REDIC1: variants seen among roughly 807,000 people sequenced by gnomAD.
REDIC1 encodes regulator of DNA class I crossover intermediates 1, also known as HEI10 Interacting Protein 1.
chr12:39,826,854 A>ATTTTTTTTTTTTTTTTT, the REDIC1 span, among the ~76,000 whole-genome samples: 4 of 67,410 alleles, frequency 5.9e-5, no homozygotes, highest in Admixed American at 2.3e-4. Flanking sequence ...GTCTCTTTCA[A>ATTTTTTTTTTTTTTTTT]TTTTTTTTTT....
the REDIC1 span, among the ~76,000 whole-genome samples, chr12:39,905,377 G>T: frequency 6.6e-6 from 1 of 152,070 alleles, no homozygotes; most frequent in African/African-American, 2.4e-5. Flanking sequence ...TGTGGGCCTG[G>T]CAACCTTCCT....
chr12:39,802,527 C>T, the REDIC1 span: 4 of 152,030 alleles, frequency 2.6e-5, no homozygotes, highest in African/African-American at 9.7e-5. Flanking sequence ...GCATAGTGTA[C>T]TTGATTAAAA....
the REDIC1 span, among the ~76,000 whole-genome samples, chr12:39,712,182 A>ATGTATATGTACATGTATATATACCTGTG: frequency 7.2e-6 from 1 of 138,626 alleles, no homozygotes; most frequent in Non-Finnish European, 1.5e-5. Flanking sequence ...ATATACCTGT[A>ATGTATATGTACATGTATATATACCTGTG]TGTATATGTA....
the REDIC1 span, among the ~76,000 whole-genome samples, chr12:39,901,926 A>C: frequency 6.6e-6 from 1 of 152,068 alleles, no homozygotes; most frequent in African/African-American, 2.4e-5. Flanking sequence ...CCAATAGCAA[A>C]GACTTGGAAC....
the REDIC1 span, among the ~76,000 whole-genome samples, chr12:39,817,077 T>C: frequency 6.6e-6 from 1 of 152,210 alleles, no homozygotes; most frequent in African/African-American, 2.4e-5. Flanking sequence ...TGTATCCTTC[T>C]CTTTTCATAA....
chr12:39,715,584 T>A, the REDIC1 span, among the ~76,000 whole-genome samples: 2 of 151,820 alleles, frequency 1.3e-5, no homozygotes, highest in Non-Finnish European at 2.9e-5. Flanking sequence ...AATTCTAAAA[T>A]CTGTATGGAA....
the REDIC1 span, among the ~76,000 whole-genome samples, chr12:39,636,489 C>A: frequency 1.3e-5 from 2 of 152,002 alleles, no homozygotes; most frequent in Non-Finnish European, 2.9e-5. Context: ...AGGCTAGTTA[C>A]TGTCTTGAAT....
chr12:39,906,212 T>C, the REDIC1 span, among the ~76,000 whole-genome samples: 1,132 of 152,266 alleles, frequency 7.4e-3, 13 homozygotes, highest in African/African-American at 0.026. Context: ...ATTCTTGAAG[T>C]CAGTAATTCC....
the REDIC1 span, among the ~76,000 whole-genome samples, chr12:39,902,716 T>C: frequency 1.3e-5 from 2 of 152,116 alleles, no homozygotes; most frequent in Non-Finnish European, 2.9e-5. Flanking sequence ...GTCACCTTCA[T>C]TTACCTTTAG....
the REDIC1 span, among the ~76,000 whole-genome samples, chr12:39,695,969 A>G: frequency 6.6e-6 from 1 of 152,200 alleles, no homozygotes; most frequent in South Asian, 2.1e-4. Flanking sequence ...GGTAATTCAG[A>G]ACATTTTCCC....
chr12:39,760,257 A>G, the REDIC1 span: 1 of 1,604,788 alleles, frequency 6.2e-7, no homozygotes, highest in Non-Finnish European at 8.5e-7. Flanking sequence ...AAGCTCCTGC[A>G]ACGGAATATA....
chr12:39,745,355 G>T, the REDIC1 span, among the ~76,000 whole-genome samples: 21 of 152,198 alleles, frequency 1.4e-4, no homozygotes, highest in African/African-American at 4.3e-4. Context: ...ACAATAAAGG[G>T]TACTGGTTAA....
the REDIC1 span, among the ~76,000 whole-genome samples, chr12:39,648,729 CAT>C: frequency 4.7e-5 from 7 of 150,436 alleles, no homozygotes; most frequent in East Asian, 1.9e-4. Context: ...GGTTTTATGA[CAT>C]ATTTATATAT....
the REDIC1 span, among the ~76,000 whole-genome samples, chr12:39,823,256 A>C: frequency 4.9e-3 from 741 of 152,314 alleles, 21 homozygotes; most frequent in Non-Finnish European, 1.4e-3. Context: ...TATGTTGGTA[A>C]AAATTAACTT....
chr12:39,711,633 GTATA>G, the REDIC1 span, among the ~76,000 whole-genome samples: 25 of 125,954 alleles, frequency 2.0e-4, no homozygotes, highest in South Asian at 9.8e-4. Flanking sequence ...ACACGTATGT[GTATA>G]TGTGTATACA....
chr12:39,713,461 T>C, the REDIC1 span, among the ~76,000 whole-genome samples: 2 of 149,370 alleles, frequency 1.3e-5, no homozygotes, highest in African/African-American at 2.4e-5. Flanking sequence ...TACATACATT[T>C]GTATATATAC....
At chr12:39,705,424 A>G in the REDIC1 span, among the ~76,000 whole-genome samples, 2 of 152,106 alleles carry the variant, frequency 1.3e-5, no homozygotes, top group East Asian at 1.9e-4. Context: ...AATATTCTGA[A>G]AAATGGAGGA....
chr12:39,812,401 TCTTCCTTCCTTC>T, the REDIC1 span, among the ~76,000 whole-genome samples: 5 of 143,148 alleles, frequency 3.5e-5, no homozygotes, highest in South Asian at 2.2e-4. Flanking sequence ...TCTCTCTCTT[TCTTCCTTCCTTC>T]CTTCCTTCCT....
At chr12:39,646,590 A>G in the REDIC1 span, 4 of 855,138 alleles carry the variant, frequency 4.7e-6, no homozygotes, top group South Asian at 5.0e-5. Flanking sequence ...TGTTAACAGT[A>G]TTATGCAATG....
Sources: gnomAD v4.1 joint callset for allele counts (sites outside exome capture counted in the v4.1 genomes callset) on GRCh38, gnomAD v4.1.1 for gene constraint, MANE v1.5 for transcripts, NCBI Gene and HGNC (gene_info 2026-07-23, HGNC 2026-07-21) for gene names.